The following IL17RD variants were observed in gnomAD, a reference collection of about 807,000 sequenced individuals.
IL17RD encodes the protein interleukin 17 receptor D.
A neutral mutation model predicts 80.5 loss-of-function variants in IL17RD; 52 were observed. The observed-to-expected ratio is 0.65, with a 90% CI of 0.52 to 0.81. IL17RD has a LOEUF of 0.81. Among genes scored for constraint, IL17RD ranks in the 40% least tolerant of loss-of-function variants. The pLI is 0.00. For missense variants in IL17RD, 1,024 were observed against 955.1 expected (o/e 1.07, Z -0.95); for synonymous variants, 416 against 391.8 (o/e 1.06, Z -0.73).
At position 57,096,401 on chromosome 3, in the gene IL17RD, GGGCGACCGC is replaced by G. The variant is rs754470188; in HGVS notation, c.2203_2211del (p.Ala735_Ala737del). 8.1e-6 allele frequency: 13 copies of G among 1,611,740 alleles called. No homozygotes were observed. In the Admixed American group the frequency reaches 1.7e-4, roughly 21 times the overall value. ...TAGACTCTTTCGTTTTGTTACAAAG[GGGCGACCGC>G]GTGGAGTTCATCAGTGTAGCTGCGG... On this transcript the variant is annotated inframe_deletion, in exon 13 of 13. Coordinates refer to ENST00000296318, the MANE Select transcript of IL17RD (RefSeq NM_017563.5).
At chr3:57,149,732 T>C (rs1324172830) in intron 1 of IL17RD, among the ~76,000 whole-genome samples, 5 of 152,208 alleles carry the variant, frequency 3.3e-5, no homozygotes, top group African/African-American at 1.2e-4. Flanking sequence ...GGAAGTTCTG[T>C]TGGATAGCAC....
intron 1 of IL17RD, among the ~76,000 whole-genome samples, chr3:57,148,738 G>A (rs1484715385): frequency 6.6e-6 from 1 of 152,092 alleles, no homozygotes; most frequent in African/African-American, 2.4e-5. Context: ...TTTTTTATAT[G>A]CTCTCCTTCC....
Position 57,134,540 on chromosome 3 carries a change from G to A in IL17RD, c.127-14227C>T, listed in dbSNP as rs1476415404. The A allele has an allele frequency of 4.3e-6, 6 of 1,388,206 alleles. No homozygotes were observed. The Admixed American group carries it at 5.0e-5, about 12-fold the overall frequency. 86.0% of individuals were successfully genotyped at this position (1,388,206 alleles called of 1,614,324 possible). A position where few individuals can be genotyped will look rare whatever the true frequency, so the allele number is the denominator to read the frequency against. ...TGAAGGGGAATGTGTTCAAAAACAA[G>A]TGGATTCTCATGGAACACATCCTCA... On this transcript the variant is annotated intron_variant, in intron 1 of 12. Transcript: ENST00000296318.
chr3:57,145,559 A>G (rs192029156), intron 1 of IL17RD, among the ~76,000 whole-genome samples: 12 of 152,336 alleles, frequency 7.9e-5, no homozygotes, highest in Admixed American at 7.8e-4. Context: ...AAGATCTGCA[A>G]CAATGGTCAG....
chr3:57,097,502 A>G, intron 12 of IL17RD, 94 bp downstream of exon 12: 1 of 956,020 alleles, frequency 1.0e-6, no homozygotes, highest in African/African-American at 1.6e-5. Flanking sequence ...TTGCCCAATA[A>G]GTTGGCACCA....
At position 57,101,348 on chromosome 3, in the gene IL17RD, T is replaced by C; in HGVS notation, c.995A>G (p.His332Arg). 6.2e-7 allele frequency: 1 copy of C among 1,600,968 alleles called. No individual in the cohort carries two copies. The change falls in exon 11 of 13, where the codon CAT (histidine) becomes CGT (arginine). Residue 332 changes from histidine (H) to arginine (R), a missense_variant. Coordinates refer to ENST00000296318, the MANE Select transcript of IL17RD (RefSeq NM_017563.5). ...RKKQQENIYS[H>R]LDEESSESST... ...AGACTCAGAGCTCTCTTCATCTAAA[T>C]GTGAATATATATTTTCTAAATTGGA...
chr3:57,151,001 T>C (rs1055257994), intron 1 of IL17RD, among the ~76,000 whole-genome samples: 5 of 152,234 alleles, frequency 3.3e-5, no homozygotes, highest in Admixed American at 6.5e-5. Flanking sequence ...AATGCTATCA[T>C]TTAATATCAC....
At position 57,146,374 on chromosome 3, in the gene IL17RD, C is replaced by T. The variant is rs17057784; in HGVS notation, c.126+18787G>A. Among the ~76,000 whole-genome samples, 6 of 152,118 alleles carry T rather than the reference C, an allele frequency of 3.9e-5. No individual in the cohort carries two copies. In the East Asian group the frequency reaches 9.7e-4, roughly 25 times the overall value. ...TAAAACATACTCAGAAGGTAAATCA[C>T]CAGGTGAAAGATTTAGTCCTTCTCT... On this transcript the variant is annotated intron_variant, in intron 1 of 12. Coordinates refer to ENST00000296318, the MANE Select transcript of IL17RD (RefSeq NM_017563.5).
At chr3:57,157,872 C>A (rs1031646181) in intron 1 of IL17RD, among the ~76,000 whole-genome samples, 10 of 152,116 alleles carry the variant, frequency 6.6e-5, no homozygotes, top group African/African-American at 2.4e-4. Flanking sequence ...TCCATCGCAG[C>A]ACAGAAGTCT....
intron 2 of IL17RD, 73 bp from the exon 3 acceptor site, chr3:57,114,890 T>C (rs1707179365): frequency 1.5e-6 from 2 of 1,300,404 alleles, no homozygotes. Flanking sequence ...CTTATCAAAA[T>C]AAACAGGGCA....
In IL17RD at chr3:57,101,223, C is replaced by T. The variant is rs781151564; in HGVS notation, c.1120G>A (p.Val374Ile). ...TGGAGGAAGTAGGCGAAACACTGGA[C>T]GACATTCATGTGATTCTGGCCATCT... ...SKDGQNHMNV[V>I]QCFAYFLQDF... Residue 374 changes from valine to isoleucine, a missense_variant, in exon 11 of 13, where the codon GTC (valine) becomes ATC (isoleucine). Transcript: ENST00000296318. 83 of 1,613,656 alleles carry T rather than the reference C, an allele frequency of 5.1e-5. 1 individual carries two copies. The Middle Eastern group carries it at 1.3e-3, about 26-fold the overall frequency.
chr3:57,125,918 A>G lies in IL17RD; in HGVS notation c.127-5605T>C, dbSNP rs1707450157. Among the ~76,000 whole-genome samples the G allele has an allele frequency of 3.3e-5, 5 of 152,230 alleles. No homozygotes were observed. In the South Asian group the frequency reaches 1.0e-3, roughly 32 times the overall value. ...TAAGTATAAGTTTTCTGCCTGAATA[A>G]ATGAATGCATTATTAAGCCAAGTAA... On this transcript the variant is annotated intron_variant, in intron 1 of 12. Transcript: ENST00000296318.
chr3:57,166,853 C>T (rs1244704980), upstream of IL17RD, among the ~76,000 whole-genome samples: 2 of 152,214 alleles, frequency 1.3e-5, no homozygotes, highest in Non-Finnish European at 2.9e-5. Flanking sequence ...GAATCCCCTC[C>T]CTCTCCTTCT....
intron 7 of IL17RD, among the ~76,000 whole-genome samples, chr3:57,105,552 A>AAAATATATAT: frequency 1.1e-4 from 7 of 63,570 alleles, no homozygotes; most frequent in African/African-American, 4.7e-4. Flanking sequence ...AAAAAAAAAA[A>AAAATATATAT]ATATATATAT....
At position 57,107,562 on chromosome 3, in the gene IL17RD, A is replaced by G. The variant is rs1706993576; in HGVS notation, c.551-1408T>C. Among the ~76,000 whole-genome samples, 7 of 152,324 alleles carry G rather than the reference A, an allele frequency of 4.6e-5. No homozygotes were observed. The South Asian group carries it at 1.5e-3, about 32-fold the overall frequency. ...GGATGTTGGACAGGACTGACCATCCAAGGCCTTGAATGACAGAAAGACTGA... is the reference window on the plus strand; with the variant it reads ...GGATGTTGGACAGGACTGACCATCCGAGGCCTTGAATGACAGAAAGACTGA... On this transcript the variant is annotated intron_variant, in intron 5 of 12. Transcript: ENST00000296318.
At position 57,106,148 on chromosome 3, in the gene IL17RD, T is replaced by G. The variant is rs1442783113; in HGVS notation, c.557A>C (p.Asp186Ala). 9 of 1,610,836 alleles carry G rather than the reference T, an allele frequency of 5.6e-6. No homozygotes were observed. Among genetic ancestry groups the G allele is most frequent in the African/African-American group, 1.3e-5 (1 of 74,994 alleles). The change falls in exon 6 of 13, where the codon GAC becomes GCC. Residue 186 changes from aspartate (D) to alanine (A), a missense_variant. Coordinates refer to ENST00000296318, the MANE Select transcript of IL17RD (RefSeq NM_017563.5). Reference sequence around the variant, plus strand: ...TAGATTGTCCGGCTGTAACAACAGGTCACAGGCTATTAAGAGAATAAAGAT... The same window carrying G: ...TAGATTGTCCGGCTGTAACAACAGGGCACAGGCTATTAAGAGAATAAAGAT... ...HPFFFRTRAC[D>A]LLLQPDNLAC... is the part of the protein sequence containing the mutation.
At position 57,105,552 on chromosome 3, in the gene IL17RD, A is replaced by AAAAAAAAAAATATAT; in HGVS notation, c.747+304_747+305insATATATTTTTTTTTT. Among the ~76,000 whole-genome samples, 614 of 63,340 alleles carry AAAAAAAAAAATATAT rather than the reference A, an allele frequency of 9.7e-3. 24 individuals are homozygous for AAAAAAAAAAATATAT. The highest frequency in any genetic ancestry group is 0.013 in the Non-Finnish European group (448 of 35,742). 41.6% of individuals were successfully genotyped at this position (63,340 alleles called of 152,430 possible). A position where few individuals can be genotyped will look rare whatever the true frequency, so the allele number is the denominator to read the frequency against. On this transcript the variant is annotated intron_variant, in intron 7 of 12. Transcript: ENST00000296318. ...ACTCCATCTCAAAAAAAAAAAAAAA[A>AAAAAAAAAAATATAT]ATATATATATATATATATTTGTTCA... is the stretch of plus-strand genomic sequence containing the variant.
intron 2 of IL17RD, 91 bp downstream of exon 2, chr3:57,120,165 C>G: frequency 9.2e-7 from 1 of 1,087,494 alleles, no homozygotes; most frequent in Non-Finnish European, 1.4e-6. Flanking sequence ...TCGTCAACCC[C>G]AAGACTGCAG....
At chr3:57,167,909 C>T (rs2060354894), upstream of IL17RD, among the ~76,000 whole-genome samples, 1 of 152,200 alleles carries the variant, frequency 6.6e-6, no homozygotes, top group African/African-American at 2.4e-5. Context: ...TGGCTCACTG[C>T]AACCTCCGCT....
Sources: gnomAD v4.1 joint callset for allele counts (sites outside exome capture counted in the v4.1 genomes callset) on GRCh38, gnomAD v4.1.1 for gene constraint, MANE v1.5 for transcripts, NCBI Gene and HGNC (gene_info 2026-07-23, HGNC 2026-07-21) for gene names.